ANXA10: variants seen among roughly 807,000 people sequenced by gnomAD.
The protein encoded by ANXA10 is annexin A10.
Under a neutral mutation model 53.5 loss-of-function variants are expected in ANXA10, and 49 were observed. The observed-to-expected ratio is 0.92, with a 90% confidence interval of 0.73 to 1.16. The LOEUF (loss-of-function observed/expected upper bound fraction) is 1.16. Ranked by LOEUF, ANXA10 falls within the 50% of genes most tolerant of loss-of-function variation. ANXA10 has a pLI of 0.00. For synonymous variants in ANXA10, 131 were observed against 128.9 expected, an observed-to-expected ratio of 1.02 and a Z score of -0.11; for missense variants, 393 against 394.4, an observed-to-expected ratio of 1.00 and a Z score of 0.03.
intron 9 of ANXA10, 73 bp from the exon 10 acceptor site, chr4:168,181,610 T>A: frequency 8.3e-7 from 1 of 1,199,730 alleles, no homozygotes; most frequent in East Asian, 2.3e-5. Context: ...AAAGTGTTAT[T>A]GTTTCTCAAA....
chr4:168,132,648 A>G (rs1191230825), intron 2 of ANXA10, among the ~76,000 whole-genome samples: 1 of 152,116 alleles, frequency 6.6e-6, no homozygotes, highest in East Asian at 1.9e-4. Context: ...TTGCAACTCA[A>G]TGGATAAATG....
chr4:168,158,390 C>G (rs1731725047), intron 3 of ANXA10, among the ~76,000 whole-genome samples: 2 of 152,170 alleles, frequency 1.3e-5, no homozygotes, highest in Admixed American at 6.5e-5. Flanking sequence ...TTACTTTCTT[C>G]AAAGTTCCTT....
rs1731834941 is a variant in ANXA10 at position 168,164,232 on chromosome 4, T to C, written c.344T>C (p.Ile115Thr). ...ACTGATGAGAATTGCCTCATTGAAA[T>C]ACTAGCTTCAAGAACAAATGGAGAA... ...VGTDENCLIE[I>T]LASRTNGEIF... Residue 115 changes from isoleucine (I) to threonine (T), a missense_variant, in exon 5 of 12, where the codon ATA (isoleucine) becomes ACA (threonine). Coordinates refer to ENST00000359299, the MANE Select transcript of ANXA10 (RefSeq NM_007193.5). 1 of 1,613,242 alleles carries C rather than the reference T, an allele frequency of 6.2e-7. No individual in the cohort carries two copies. The highest frequency in any genetic ancestry group is 1.1e-5 in the South Asian group (1 of 91,034).
intron 2 of ANXA10, among the ~76,000 whole-genome samples, chr4:168,133,983 A>G (rs961234896): frequency 6.6e-6 from 1 of 152,100 alleles, no homozygotes; most frequent in African/African-American, 2.4e-5. Flanking sequence ...AGTTGTGATT[A>G]TATGAAGAAG....
rs114585401 is a variant in ANXA10 at position 168,177,938 on chromosome 4, C to A, written c.583C>A (p.Leu195Met). 2.5e-6 allele frequency: 4 copies of A among 1,613,676 alleles called. No individual in the cohort carries two copies. In the South Asian group the frequency reaches 3.3e-5, roughly 13 times the overall value. The change falls in exon 8 of 12, where the codon CTG (leucine) becomes ATG (methionine). Residue 195 changes from leucine (L) to methionine (M), a missense_variant. Transcript: ENST00000359299. ...GAAGACGGGGGAGCACAAAACCATG[C>A]TGCAAATGATCCTGTGCAACAAGAG... ...QQKTGEHKTMLQMILCNKSYQ... is the reference protein window; with the variant it reads ...QQKTGEHKTMMQMILCNKSYQ...
At chr4:168,141,105 A>G (rs932265770) in intron 3 of ANXA10, among the ~76,000 whole-genome samples, 1 of 152,242 alleles carries the variant, frequency 6.6e-6, no homozygotes, top group African/African-American at 2.4e-5. Context: ...AATCTACTAA[A>G]GAATTTATAC....
intron 6 of ANXA10, among the ~76,000 whole-genome samples, chr4:168,169,639 G>C (rs767712012): frequency 7.2e-5 from 11 of 152,038 alleles, no homozygotes; most frequent in Admixed American, 1.3e-4. Flanking sequence ...CTTAAGCTTA[G>C]AGAGGTTAAG....
chr4:168,144,462 C>T (rs777368427), intron 3 of ANXA10, among the ~76,000 whole-genome samples: 17 of 152,210 alleles, frequency 1.1e-4, no homozygotes, highest in Non-Finnish European at 2.1e-4. Context: ...GCTGGGATTA[C>T]AGGCATGAGC....
chr4:168,148,651 T>C (rs1016593641), intron 3 of ANXA10, among the ~76,000 whole-genome samples: 4 of 152,202 alleles, frequency 2.6e-5, no homozygotes. Context: ...CTCCCTCAAA[T>C]TAGTCATTAT....
chr4:168,169,747 T>A (rs1221213823), intron 6 of ANXA10, among the ~76,000 whole-genome samples: 1 of 152,180 alleles, frequency 6.6e-6, no homozygotes, highest in Non-Finnish European at 1.5e-5. Context: ...ACTGCTCCTA[T>A]CTCCAACCCC....
chr4:168,187,124 A>G (rs932891816), intron 11 of ANXA10, among the ~76,000 whole-genome samples: 4 of 152,150 alleles, frequency 2.6e-5, no homozygotes, highest in African/African-American at 9.7e-5. Flanking sequence ...ATAAATACAC[A>G]TTCAGGTTCA....
chr4:168,155,919 ATATCATATATTATATGTTAT>A (rs1175351276), intron 3 of ANXA10, among the ~76,000 whole-genome samples: 6 of 71,776 alleles, frequency 8.4e-5, no homozygotes, highest in African/African-American at 2.2e-4. Flanking sequence ...ATTATATTAT[ATATCATATATTATATGTTAT>A]ATATAATATA....
intron 1 of ANXA10, among the ~76,000 whole-genome samples, chr4:168,098,481 A>C (rs895894876): frequency 1.3e-5 from 2 of 152,160 alleles, no homozygotes; most frequent in Non-Finnish European, 2.9e-5. Context: ...AATTATTTGT[A>C]ATCAGAAGTA....
chr4:168,177,429 G>A (rs566195055), intron 6 of ANXA10, among the ~76,000 whole-genome samples: 1 of 152,260 alleles, frequency 6.6e-6, no homozygotes, highest in South Asian at 2.1e-4. Flanking sequence ...TGGTCAGGCA[G>A]TGGATACTCA....
intron 3 of ANXA10, among the ~76,000 whole-genome samples, chr4:168,143,619 T>C (rs568325204): frequency 1.3e-5 from 2 of 152,320 alleles, no homozygotes; most frequent in Middle Eastern, 3.4e-3. Flanking sequence ...AACAATGAAA[T>C]GCCCTTGTGA....
At chr4:168,153,538 G>T (rs571852948) in intron 3 of ANXA10, among the ~76,000 whole-genome samples, 1 of 150,898 alleles carries the variant, frequency 6.6e-6, no homozygotes, top group African/African-American at 2.4e-5. Context: ...CAAAAAATAC[G>T]GGAAAACTGT....
At chr4:168,140,231 CA>C (rs1373042243) in intron 3 of ANXA10, among the ~76,000 whole-genome samples, 1 of 152,112 alleles carries the variant, frequency 6.6e-6, no homozygotes, top group East Asian at 1.9e-4. Flanking sequence ...CTCTTCAGGC[CA>C]AAAGTGCCTG....
rs61179704 is a variant in ANXA10, at chr4:168,153,422, CAAAAA to C, written c.196-9091_196-9087del. ...GCTTCAAGCTGCTAAAAGCCTAAAG[CAAAAA>C]AAAAAAAAAAAAAACAAAAACAAAA... On this transcript the variant is annotated intron_variant, in intron 3 of 11. Transcript: ENST00000359299. 7.6e-4 allele frequency among the ~76,000 whole-genome samples: 33 copies of C among 43,526 alleles called. 2 individuals are homozygous for C. The highest frequency in any genetic ancestry group is 5.6e-3 in the South Asian group (4 of 720). The allele number at this position is 43,526 out of a possible 152,430, so 28.6% of individuals were successfully genotyped here.
Position 168,172,786 on chromosome 4 carries a change from ATTTT to A in ANXA10, c.481-4937_481-4934del, listed in dbSNP as rs34280639. ...GGCTGAGCATAATGGGTATGTTGCCATTTTTTTTTTTTTTTTTTTTGAGACAGAG... is the reference window on the plus strand; with the variant it reads ...GGCTGAGCATAATGGGTATGTTGCCATTTTTTTTTTTTTTTTGAGACAGAG... On this transcript the variant is annotated intron_variant, in intron 6 of 11. Transcript: ENST00000359299. Among the ~76,000 whole-genome samples, 447 of 133,662 alleles carry A rather than the reference ATTTT, an allele frequency of 3.3e-3. 2 individuals are homozygous for A. The highest frequency in any genetic ancestry group is 7.4e-3 in the African/African-American group (258 of 34,944). The allele number at this position is 133,662 out of a possible 152,430, so 87.7% of individuals were successfully genotyped here.
Sources: gnomAD v4.1 joint callset for allele counts (sites outside exome capture counted in the v4.1 genomes callset) on GRCh38, gnomAD v4.1.1 for gene constraint, MANE v1.5 for transcripts, NCBI Gene and HGNC (gene_info 2026-07-23, HGNC 2026-07-21) for gene names.